The following EPG5 variants were observed in gnomAD, a reference collection of about 807,000 sequenced individuals.
EPG5 encodes ectopic P-granules 5 autophagy tethering factor.
EPG5 carries 159 observed loss-of-function variants against 302.7 expected under a neutral mutation model. That is an observed-to-expected ratio of 0.53 (90% CI 0.46 to 0.60). The LOEUF (loss-of-function observed/expected upper bound fraction) is 0.60. Ranked by LOEUF, EPG5 falls within the 20% of genes least tolerant of loss-of-function variation. The probability of loss-of-function intolerance (pLI) is 0.00; values close to 1 mark genes in which losing one functional copy is unlikely to be tolerated. For synonymous variants in EPG5, 1,158 were observed against 1,136.8 expected (o/e 1.02, Z -0.37); for missense variants, 2,896 against 3,092.4 (o/e 0.94, Z 1.51).
chr18:45,826,989 A>G, the EPG5 span, among the ~76,000 whole-genome samples: 1 of 152,174 alleles, frequency 6.6e-6, no homozygotes, highest in Non-Finnish European at 1.5e-5. Context: ...ATCTCAGCTC[A>G]CTGTAAACTC....
chr18:45,827,519 G>A, the EPG5 span, among the ~76,000 whole-genome samples: 2 of 152,202 alleles, frequency 1.3e-5, no homozygotes, highest in Non-Finnish European at 2.9e-5. Flanking sequence ...TTGAGGGTGT[G>A]GATGTTGGCA....
intron 3 of EPG5, 103 bp downstream of exon 3, chr18:45,952,297 T>C: frequency 1.6e-5 from 22 of 1,392,886 alleles, no homozygotes; most frequent in Non-Finnish European, 2.1e-5. Context: ...GCACAAATGG[T>C]ACCTTGTAAG....
At chr18:45,913,637 C>T (rs931816654) in intron 21 of EPG5, 69 bp downstream of exon 21, 18 of 1,570,688 alleles carry the variant, frequency 1.1e-5, no homozygotes, top group African/African-American at 5.4e-5. Flanking sequence ...TCAAAAGCTA[C>T]GGGTGAATCC....
chr18:45,963,957 G>A (rs1198137324), intron 1 of EPG5, among the ~76,000 whole-genome samples: 1 of 152,192 alleles, frequency 6.6e-6, no homozygotes, highest in African/African-American at 2.4e-5. Flanking sequence ...TTTAGAAAAT[G>A]CAATTGGCAA....
chr18:45,964,882 G>A (rs546409231), intron 1 of EPG5, among the ~76,000 whole-genome samples: 60 of 152,288 alleles, frequency 3.9e-4, no homozygotes, highest in South Asian at 3.1e-3. Context: ...GAAGCCAGGT[G>A]GCAGACGTTG....
At chr18:45,867,816 A>C in intron 36 of EPG5, 68 bp from the exon 37 acceptor site, 1 of 1,365,878 alleles carries the variant, frequency 7.3e-7, no homozygotes, top group Non-Finnish European at 1.0e-6. Flanking sequence ...AATGTATGTA[A>C]ATTGTTTCAT....
chr18:45,913,256 A>T (rs1176096843), intron 21 of EPG5, among the ~76,000 whole-genome samples: 1 of 152,144 alleles, frequency 6.6e-6, no homozygotes, highest in East Asian at 1.9e-4. Context: ...TGAAACCCAA[A>T]AGCAAAATCT....
At position 45,849,914 on chromosome 18, in the gene EPG5, CCTCT is replaced by C. The variant is rs1301419250; in HGVS notation, c.*2549_*2552del. On this transcript the variant is annotated 3_prime_UTR_variant, in exon 44 of 44. Coordinates refer to ENST00000282041, the MANE Select transcript of EPG5 (RefSeq NM_020964.3). The stretch of plus-strand genomic sequence containing the variant: ...AGACACATCTGGCAGGACCTCCCTC[CCTCT>C]ATGTCTGGTGTGTTCCAGCATTCTG... 2 of 152,174 alleles carry C rather than the reference CCTCT, an allele frequency of 1.3e-5. No individual in the cohort carries two copies. Among genetic ancestry groups the C allele is most frequent in the Non-Finnish European group, 2.9e-5 (2 of 68,036 alleles). The allele number at this position is 152,174 out of a possible 1,614,324, so 9.4% of individuals were successfully genotyped here. A position where few individuals can be genotyped will look rare whatever the true frequency, so the allele number is the denominator to read the frequency against.
rs561000695 is a variant in EPG5 at position 45,967,302 on chromosome 18, C to A, written c.-63G>T. Reference sequence around the variant, plus strand: ...AAACCCCTGCGCTTCAAGCAACCTGCCCGGTTCTGGCCTCCGGACTGTCAC... The same window carrying A: ...AAACCCCTGCGCTTCAAGCAACCTGACCGGTTCTGGCCTCCGGACTGTCAC... On this transcript the variant is annotated 5_prime_UTR_variant, in exon 1 of 44. Coordinates refer to ENST00000282041, the MANE Select transcript of EPG5 (RefSeq NM_020964.3). 2.0e-6 allele frequency: 3 copies of A among 1,469,228 alleles called. No individual in the cohort carries two copies. The highest frequency in any genetic ancestry group is 1.8e-6 in the Non-Finnish European group (2 of 1,095,274). The allele number at this position is 1,469,228 out of a possible 1,614,324, so 91.0% of individuals were successfully genotyped here. A position where few individuals can be genotyped will look rare whatever the true frequency, so the allele number is the denominator to read the frequency against.
At chr18:45,916,864 C>A (rs1221480722) in intron 17 of EPG5, 3 of 221,404 alleles carry the variant, frequency 1.4e-5, no homozygotes, top group Non-Finnish European at 2.7e-5. Context: ...ACTCTCCCCT[C>A]CTCACTCCCC....
At chr18:45,809,128 GA>G in the EPG5 span, among the ~76,000 whole-genome samples, 1 of 152,158 alleles carries the variant, frequency 6.6e-6, no homozygotes, top group African/African-American at 2.4e-5. Flanking sequence ...TAAAAAGACA[GA>G]AGGACATTAT....
intron 8 of EPG5, 129 bp downstream of exon 8, chr18:45,943,876 G>A (rs1336934834): frequency 2.5e-5 from 15 of 595,836 alleles, no homozygotes; most frequent in African/African-American, 3.7e-5. Context: ...AGCCGAGATC[G>A]CGCCACTGCA....
chr18:45,857,951 G>C lies in EPG5; in HGVS notation c.7344C>G (p.Leu2448=), dbSNP rs751044292. The C allele has an allele frequency of 6.2e-7, 1 of 1,613,444 alleles. No individual in the cohort carries two copies. Among genetic ancestry groups the C allele is most frequent in the South Asian group, 1.1e-5 (1 of 91,036 alleles). ...CGAGGTTCTGCCTGCTCTGAACCAA[G>C]AGCAGAATTCGAATGACAGATTCTG... ...VLTESVIRIL[L]LVQSRQNLVA... Residue 2448 remains leucine, a synonymous_variant, in exon 42 of 44, where the codon CTC becomes CTG. Transcript: ENST00000282041.
chr18:45,930,826 T>C lies in EPG5; in HGVS notation c.2262A>G (p.Pro754=), dbSNP rs1015625157. 1.3e-6 allele frequency: 2 copies of C among 1,588,496 alleles called. No homozygotes were observed. The highest frequency in any genetic ancestry group is 1.9e-5 in the Admixed American group (1 of 52,360). ...ACTTCTCAAAGTTGGTAAAATGTTC[T>C]GGGTCTGCAAGTTCATATCAAGAAA... ...PAQCKQQLQD[P]EHFTNFEKCL... is the part of the protein sequence containing the mutation. The change falls in exon 12 of 44, where the codon CCA becomes CCG. Residue 754 remains proline (P), a synonymous_variant. Coordinates refer to ENST00000282041, the MANE Select transcript of EPG5 (RefSeq NM_020964.3).
rs548319471 is a variant in EPG5 at position 45,897,650 on chromosome 18, A to T, written c.4809+1754T>A. Among the ~76,000 whole-genome samples the T allele has an allele frequency of 7.2e-5, 11 of 152,382 alleles. No homozygotes were observed. In the South Asian group the frequency reaches 2.3e-3, roughly 32 times the overall value. ...CAATGTTTAAGAGTCGCACATATTT[A>T]CAATAACATACGGGAAAATAAGTTG... On this transcript the variant is annotated intron_variant, in intron 27 of 43. Transcript: ENST00000282041.
At chr18:45,951,925 T>C (rs2050918455) in intron 3 of EPG5, among the ~76,000 whole-genome samples, 1 of 152,178 alleles carries the variant, frequency 6.6e-6, no homozygotes, top group Non-Finnish European at 1.5e-5. Context: ...ATTCATGTCA[T>C]AAAGACTAAT....
rs771181271 is a variant in EPG5, at chr18:45,878,337, A to C, written c.5942+39T>G. 1.0e-5 allele frequency: 14 copies of C among 1,379,244 alleles called. 1 individual carries two copies. The East Asian group carries it at 3.2e-4, about 32-fold the overall frequency. 85.4% of individuals were successfully genotyped at this position (1,379,244 alleles called of 1,614,324 possible). On this transcript the variant is annotated intron_variant, in intron 34 of 43. Transcript: ENST00000282041. ...ATACCATTTAGAATTTTAAGTCTACAAACGTCAAAGGAATTTGAATATCTA... is the reference window on the plus strand; with the variant it reads ...ATACCATTTAGAATTTTAAGTCTACCAACGTCAAAGGAATTTGAATATCTA...
At chr18:45,847,309 C>T (rs866170545), downstream of EPG5, among the ~76,000 whole-genome samples, 40 of 152,286 alleles carry the variant, frequency 2.6e-4, no homozygotes, top group South Asian at 4.1e-4. Flanking sequence ...GAAGCACCCC[C>T]ACTCCCACCT....
the EPG5 span, among the ~76,000 whole-genome samples, chr18:45,800,856 A>G: frequency 6.6e-6 from 1 of 152,222 alleles, no homozygotes; most frequent in Non-Finnish European, 1.5e-5. Flanking sequence ...CACTCCAGTT[A>G]GGGCAAGCCT....
Sources: gnomAD v4.1 joint callset for allele counts (sites outside exome capture counted in the v4.1 genomes callset) on GRCh38, gnomAD v4.1.1 for gene constraint, MANE v1.5 for transcripts, NCBI Gene and HGNC (gene_info 2026-07-23, HGNC 2026-07-21) for gene names.